Variants in PLOD2 observed in about 807,000 individuals in gnomAD.
PLOD2 encodes the protein procollagen-lysine,2-oxoglutarate 5-dioxygenase 2, also known as lysine hydroxylase 2.
PLOD2 carries 65 observed loss-of-function variants against 101.0 expected under a neutral mutation model. The observed-to-expected ratio is 0.64, with a 90% CI of 0.53 to 0.79. The LOEUF (loss-of-function observed/expected upper bound fraction) is 0.79, where lower values mean the gene tolerates loss of function less well. Among genes scored for constraint, PLOD2 ranks in the 30% least tolerant of loss-of-function variants. PLOD2 has a pLI of 0.00. For synonymous variants in PLOD2, 314 were observed against 302.9 expected (o/e 1.04, Z -0.38); for missense variants, 909 against 914.6 (o/e 0.99, Z 0.08).
chr3:146,124,252 A>C (rs1284744256), intron 1 of PLOD2, 23 bp from the exon 2 acceptor site: 1 of 1,327,204 alleles, frequency 7.5e-7, no homozygotes, highest in Non-Finnish European at 1.1e-6. Flanking sequence ...AAGGAAACAA[A>C]AGAAGGTTTA....
chr3:146,070,895 A>T, intron 19 of PLOD2, 23 bp from the exon 20 acceptor site: 1 of 1,587,568 alleles, frequency 6.3e-7, no homozygotes, highest in Non-Finnish European at 8.6e-7. Context: ...AAATGAAGAA[A>T]TACATCAGAT....
intron 1 of PLOD2, among the ~76,000 whole-genome samples, chr3:146,160,597 G>C (rs1051937127): frequency 6.6e-6 from 1 of 152,162 alleles, no homozygotes; most frequent in African/African-American, 2.4e-5. Context: ...TGGTGCCCAT[G>C]ACCTGCAAGT....
At chr3:146,118,199 T>C (rs78415244) in intron 3 of PLOD2, among the ~76,000 whole-genome samples, 2 of 152,230 alleles carry the variant, frequency 1.3e-5, no homozygotes, top group East Asian at 3.9e-4. Flanking sequence ...CTTGGTATTC[T>C]TTTTCTAAGT....
At chr3:146,115,875 T>C (rs114250366) in intron 3 of PLOD2, among the ~76,000 whole-genome samples, 1,769 of 152,252 alleles carry the variant, frequency 0.012, 24 homozygotes, top group South Asian at 0.066. Context: ...AGACAATATG[T>C]AAACAAATGA....
intron 5 of PLOD2, 24 bp downstream of exon 5, chr3:146,106,507 CA>C: frequency 3.7e-6 from 4 of 1,084,900 alleles, no homozygotes; most frequent in Non-Finnish European, 5.7e-6. Flanking sequence ...ATCAATAAAA[CA>C]AAAAAATTGC....
chr3:146,114,303 C>T (rs1487409727), intron 3 of PLOD2, among the ~76,000 whole-genome samples: 1 of 152,028 alleles, frequency 6.6e-6, no homozygotes, highest in Non-Finnish European at 1.5e-5. Flanking sequence ...TTGAAAATCA[C>T]TAATAAAAAC....
rs187065862 is a variant in PLOD2 at position 146,126,161 on chromosome 3, C to G, written c.110-1932G>C. Among the ~76,000 whole-genome samples the G allele has an allele frequency of 2.0e-5, 3 of 152,240 alleles. No homozygotes were observed. The East Asian group carries it at 5.8e-4, about 29-fold the overall frequency. ...TTAATCATGTGTAGTCTGACCATGTCCAGCAATCCTATGCCAAATAAGAAC... is the reference window on the plus strand; with the variant it reads ...TTAATCATGTGTAGTCTGACCATGTGCAGCAATCCTATGCCAAATAAGAAC... On this transcript the variant is annotated intron_variant, in intron 1 of 19. Coordinates refer to ENST00000282903, the MANE Select transcript of PLOD2 (RefSeq NM_182943.3).
At chr3:146,132,785 A>T (rs2108111729) in intron 1 of PLOD2, among the ~76,000 whole-genome samples, 1 of 152,332 alleles carries the variant, frequency 6.6e-6, no homozygotes, top group Admixed American at 6.5e-5. Context: ...GCTTCAAGAC[A>T]TTTTTTAAAA....
intron 3 of PLOD2, among the ~76,000 whole-genome samples, chr3:146,113,023 TGTGA>T (rs1937718578): frequency 6.6e-6 from 1 of 152,146 alleles, no homozygotes; most frequent in Admixed American, 6.5e-5. Context: ...ACTTTTGGAA[TGTGA>T]GTGAATATTT....
intron 1 of PLOD2, among the ~76,000 whole-genome samples, chr3:146,149,473 G>T (rs1440789785): frequency 6.6e-6 from 1 of 151,978 alleles, no homozygotes; most frequent in Non-Finnish European, 1.5e-5. Flanking sequence ...TATCCACTCT[G>T]CCATAACCCA....
chr3:146,081,022 C>T (rs547782185), intron 12 of PLOD2, among the ~76,000 whole-genome samples: 2 of 151,974 alleles, frequency 1.3e-5, no homozygotes, highest in East Asian at 3.9e-4. Flanking sequence ...TTTAATCAGG[C>T]TGACATGTTT....
chr3:146,124,460 TG>T (rs1256748354), intron 1 of PLOD2, among the ~76,000 whole-genome samples: 2 of 152,110 alleles, frequency 1.3e-5, no homozygotes, highest in African/African-American at 4.8e-5. Context: ...AAAAGTATAT[TG>T]ATGATTAAGA....
At chr3:146,148,338 G>A (rs201229688) in intron 1 of PLOD2, among the ~76,000 whole-genome samples, 129 of 146,540 alleles carry the variant, frequency 8.8e-4, no homozygotes, top group African/African-American at 2.7e-3. Context: ...AGGCAGGCAC[G>A]CACACACACA....
At chr3:146,136,190 T>C (rs1263205966) in intron 1 of PLOD2, among the ~76,000 whole-genome samples, 1 of 152,188 alleles carries the variant, frequency 6.6e-6, no homozygotes, top group African/African-American at 2.4e-5. Flanking sequence ...TAATTATTCA[T>C]ATTTTCTTCC....
At chr3:146,157,248 G>C (rs2108151455) in intron 1 of PLOD2, among the ~76,000 whole-genome samples, 1 of 152,324 alleles carries the variant, frequency 6.6e-6, no homozygotes, top group African/African-American at 2.4e-5. Flanking sequence ...CAAAACAACA[G>C]TGTAGATACT....
At chr3:146,103,042 G>A (rs1219180145) in intron 6 of PLOD2, among the ~76,000 whole-genome samples, 190 bp from the exon 7 acceptor site, 1 of 152,144 alleles carries the variant, frequency 6.6e-6, no homozygotes, top group Non-Finnish European at 1.5e-5. Flanking sequence ...AATGAAGGAT[G>A]ACAGTGACAA....
intron 2 of PLOD2, chr3:146,123,392 C>A: frequency 2.5e-6 from 1 of 392,418 alleles, no homozygotes; most frequent in South Asian, 3.7e-5. Context: ...ATAGTTCTAT[C>A]AATTTCCCCA....
chr3:146,139,283 G>A (rs2031403059), intron 1 of PLOD2, among the ~76,000 whole-genome samples: 1 of 152,074 alleles, frequency 6.6e-6, no homozygotes, highest in South Asian at 2.1e-4. Context: ...TGAGTCTCCT[G>A]CATCAATAAA....
chr3:146,159,175 G>A (rs963275551), intron 1 of PLOD2, among the ~76,000 whole-genome samples: 1 of 152,106 alleles, frequency 6.6e-6, no homozygotes, highest in Admixed American at 6.5e-5. Context: ...GACCCTAACC[G>A]AATTCTCCAT....
Sources: allele counts gnomAD v4.1 joint callset (sites outside exome capture counted in the v4.1 genomes callset), GRCh38; gene constraint gnomAD v4.1.1; transcripts MANE v1.5; gene names NCBI Gene and HGNC (gene_info 2026-07-23, HGNC 2026-07-21).